LRRC8A: variants seen among roughly 807,000 people sequenced by gnomAD.
The protein encoded by LRRC8A is volume-regulated anion channel subunit LRRC8A.
In LRRC8A, 24 loss-of-function variants were observed where a neutral mutation model predicts 52.5. The ratio of observed to expected loss-of-function variants is 0.46; its 90% confidence interval spans 0.33 to 0.64. The LOEUF (loss-of-function observed/expected upper bound fraction) is 0.64. LRRC8A is among the 30% of genes least tolerant of loss of function. LRRC8A has a pLI of 0.02. For synonymous variants in LRRC8A, 492 were observed against 494.2 expected (o/e 1.00, Z 0.06); for missense variants, 677 against 1,094.7 (o/e 0.62, Z 5.38).
intron 2 of LRRC8A, among the ~76,000 whole-genome samples, chr9:128,891,990 C>T (rs1251611912): frequency 6.6e-6 from 1 of 152,156 alleles, no homozygotes; most frequent in African/African-American, 2.4e-5. Context: ...CAGCAGTGAA[C>T]GTTCCAGAGC....
In LRRC8A at chr9:128,908,334, C is replaced by CG. The variant is rs926260359; in HGVS notation, c.1171dup (p.Ala391GlyfsTer9). On this transcript the variant is annotated frameshift_variant, in exon 3 of 4. Transcript: ENST00000372600. LOFTEE classifies it high-confidence loss of function. ...ACGACCCGCTCTACTCCAAGCGCTT[C>CG]GCCGTCTTCCTGTCGGAGGTGAGTG... The CG allele has an allele frequency of 6.2e-7, 1 of 1,614,006 alleles. No individual in the cohort carries two copies. Among genetic ancestry groups the CG allele is most frequent in the Non-Finnish European group, 8.5e-7 (1 of 1,180,052 alleles).
At position 128,917,907 on chromosome 9, in the gene LRRC8A, G is replaced by A. The variant is rs1441827114; in HGVS notation, c.*1536G>A. The A allele has an allele frequency of 5.2e-5, 8 of 152,670 alleles. No individual in the cohort carries two copies. The highest frequency in any genetic ancestry group is 5.2e-4 in the Admixed American group (8 of 15,274). The allele number at this position is 152,670 out of a possible 1,614,324, so 9.5% of individuals were successfully genotyped here. ...GTCTGTCCGTCCATTTGTGTTTTCT[G>A]CGTCGTGTCATTGGATATAATCCTC... On this transcript the variant is annotated 3_prime_UTR_variant, in exon 4 of 4. Coordinates refer to ENST00000372600, the MANE Select transcript of LRRC8A (RefSeq NM_019594.4).
rs57721007 is a variant in LRRC8A at position 128,890,130 on chromosome 9, T to TTGTGTGTGTGTGTGTGTG, written c.-9+4032_-9+4049dup. ...ACAGTTGTTTTTTAGTGGCTTCATT[T>TTGTGTGTGTGTGTGTGTG]TGTGTGTGTGTGTGTGTGTGTGTGT... is the stretch of plus-strand genomic sequence containing the variant. On this transcript the variant is annotated intron_variant, in intron 2 of 3. Transcript: ENST00000372600. Among the ~76,000 whole-genome samples, 1,133 of 128,284 alleles carry TTGTGTGTGTGTGTGTGTG rather than the reference T, an allele frequency of 8.8e-3. 19 individuals are homozygous for TTGTGTGTGTGTGTGTGTG. The highest frequency in any genetic ancestry group is 0.016 in the Admixed American group (183 of 11,504). 84.2% of individuals were successfully genotyped at this position (128,284 alleles called of 152,430 possible).
intron 3 of LRRC8A, among the ~76,000 whole-genome samples, chr9:128,914,022 T>C (rs572962997): frequency 6.6e-6 from 1 of 152,200 alleles, no homozygotes; most frequent in Admixed American, 6.5e-5. Flanking sequence ...CTGGCCGACA[T>C]AATGAAACCC....
intron 1 of LRRC8A, chr9:128,885,427 T>C (rs1471896691): frequency 1.3e-5 from 2 of 152,354 alleles, no homozygotes; most frequent in Admixed American, 6.5e-5. Flanking sequence ...AATGCTCTTT[T>C]TCCAGCTCCT....
At chr9:128,898,039 AGTGTGTGT>A (rs58876901) in intron 2 of LRRC8A, among the ~76,000 whole-genome samples, 63,270 of 136,000 alleles carry the variant, frequency 0.47, 15,401 homozygotes, top group Admixed American at 0.58. Context: ...AAGATTGTTC[AGTGTGTGT>A]GTGTGTGTGT....
intron 3 of LRRC8A, among the ~76,000 whole-genome samples, chr9:128,909,784 G>T (rs928784626): frequency 5.3e-5 from 8 of 152,128 alleles, no homozygotes; most frequent in Non-Finnish European, 1.0e-4. Flanking sequence ...AGCCAATCCG[G>T]GTCCACCCAG....
In LRRC8A at chr9:128,892,773, C is replaced by G. The variant is rs776911553; in HGVS notation, c.-9+6652C>G. On this transcript the variant is annotated intron_variant, in intron 2 of 3. Transcript: ENST00000372600. This position sits in a 1 kb window ranked among gnomAD's most constrained non-coding sequence, Gnocchi z 5.2. ...GCTTGGAACCCTCCCGGGACAGGGC[C>G]TGTTGAGAGCGGCCCCTTCGCGCTC... Among the ~76,000 whole-genome samples the G allele has an allele frequency of 6.6e-6, 1 of 152,178 alleles. No homozygotes were observed. The highest frequency in any genetic ancestry group is 1.5e-5 in the Non-Finnish European group (1 of 68,032).
rs147475056 is a variant in LRRC8A, at chr9:128,884,394, CTCATTCAT to C, written c.-115-1601_-115-1594del. Reference sequence around the variant, plus strand: ...AGCACAGTGTCTCTCCATGCCTTGACTCATTCATTCATTCATTCATTCATTCAGCCATT... The same window carrying C: ...AGCACAGTGTCTCTCCATGCCTTGACTCATTCATTCATTCATTCAGCCATT... On this transcript the variant is annotated intron_variant, in intron 1 of 3. Transcript: ENST00000372600. 7.2e-3 allele frequency among the ~76,000 whole-genome samples: 1,103 copies of C among 152,190 alleles called. 7 individuals carry two copies. Among genetic ancestry groups the C allele is most frequent in the African/African-American group, 0.019 (778 of 41,490 alleles).
intron 2 of LRRC8A, among the ~76,000 whole-genome samples, chr9:128,906,042 G>A (rs999601141): frequency 1.3e-5 from 2 of 152,150 alleles, no homozygotes; most frequent in African/African-American, 4.8e-5. Context: ...TCTTGAGGCC[G>A]CTCCCCTAGG....
chr9:128,916,043 C>T lies in LRRC8A; in HGVS notation c.2158-53C>T. 2 of 1,544,698 alleles carry T rather than the reference C, an allele frequency of 1.3e-6. No individual in the cohort carries two copies. The highest frequency in any genetic ancestry group is 1.8e-6 in the Non-Finnish European group (2 of 1,140,234). On this transcript the variant is annotated intron_variant, in intron 3 of 3. Transcript: ENST00000372600. The surrounding 1 kb of genome is among the most constrained non-coding windows in gnomAD (Gnocchi z 6.1). ...GAGAGAGGGAAGGGAAGCCCAGAGG[C>T]CCCGTCCAAGCCCACACCCACCTCA... is the stretch of plus-strand genomic sequence containing the variant.
intron 2 of LRRC8A, among the ~76,000 whole-genome samples, chr9:128,904,827 T>C (rs1840172327): frequency 1.3e-5 from 2 of 151,446 alleles, no homozygotes; most frequent in Non-Finnish European, 1.5e-5. Context: ...ACCCCGTCTC[T>C]ACTAAAAATA....
At chr9:128,910,918 C>A (rs1840491736) in intron 3 of LRRC8A, among the ~76,000 whole-genome samples, 1 of 152,230 alleles carries the variant, frequency 6.6e-6, no homozygotes, top group Non-Finnish European at 1.5e-5. Flanking sequence ...ATCTGCCATG[C>A]AGCAGCCCCA....
At position 128,916,638 on chromosome 9, in the gene LRRC8A, G is replaced by T; in HGVS notation, c.*267G>T. 1 of 442,818 alleles carries T rather than the reference G, an allele frequency of 2.3e-6. No individual in the cohort carries two copies. Among genetic ancestry groups the T allele is most frequent in the Admixed American group, 3.7e-5 (1 of 27,384 alleles). 27.4% of individuals were successfully genotyped at this position (442,818 alleles called of 1,614,324 possible). On this transcript the variant is annotated 3_prime_UTR_variant, in exon 4 of 4. Transcript: ENST00000372600. The surrounding 1 kb of genome is among the most constrained non-coding windows in gnomAD (Gnocchi z 6.1). ...AGAGCGCAGTATTTGGATAATCAGG[G>T]TCTCCTCCCTGGAGGCCAGCTCTGC...
intron 1 of LRRC8A, chr9:128,882,868 C>A (rs1217384995): frequency 5.0e-6 from 2 of 398,264 alleles, no homozygotes; most frequent in Admixed American, 8.8e-5. Context: ...GGCCCGAGGG[C>A]GAGGCGAGAT....
Position 128,908,263 on chromosome 9 carries a change from G to A in LRRC8A, c.1099G>A (p.Asp367Asn), listed in dbSNP as rs545124011. 12 of 1,614,092 alleles carry A rather than the reference G, an allele frequency of 7.4e-6. No individual in the cohort carries two copies. Among genetic ancestry groups the A allele is most frequent in the South Asian group, 2.2e-5 (2 of 91,078 alleles). The change falls in exon 3 of 4, where the codon GAC becomes AAC. Residue 367 changes from aspartate (D) to asparagine (N), a missense_variant. Physicochemically the swap from Asp to Asn is conservative, Grantham distance 23. Transcript: ENST00000372600. ...REESSYSDIP[D>N]VKNDFAFMLH... ...GGAGAGCAGCTACAGCGACATCCCCGACGTCAAGAACGACTTCGCCTTCAT... is the reference window on the plus strand; with the variant it reads ...GGAGAGCAGCTACAGCGACATCCCCAACGTCAAGAACGACTTCGCCTTCAT...
intron 3 of LRRC8A, 49 bp downstream of exon 3, chr9:128,909,370 C>T (rs763481945): frequency 1.3e-6 from 2 of 1,568,702 alleles, no homozygotes; most frequent in Admixed American, 3.4e-5. Context: ...GGTGGCCTGG[C>T]CAGGGCTTGT....
In LRRC8A at chr9:128,911,721, G is replaced by A. The variant is rs577185494; in HGVS notation, c.2157+2400G>A. ...GCTGAGGTCACCCCTCAGGAAAGGA[G>A]CTGGCGGCAAGCACGCTGTCCCAGA... On this transcript the variant is annotated intron_variant, in intron 3 of 3. Coordinates refer to ENST00000372600, the MANE Select transcript of LRRC8A (RefSeq NM_019594.4). The surrounding 1 kb of genome is among the most constrained non-coding windows in gnomAD (Gnocchi z 4.9). Among the ~76,000 whole-genome samples, 102 of 152,324 alleles carry A rather than the reference G, an allele frequency of 6.7e-4. No individual in the cohort carries two copies. Among genetic ancestry groups the A allele is most frequent in the African/African-American group, 2.3e-3 (95 of 41,576 alleles).
intron 2 of LRRC8A, among the ~76,000 whole-genome samples, chr9:128,895,350 TCCA>T (rs1272210594): frequency 6.6e-6 from 1 of 152,176 alleles, no homozygotes; most frequent in African/African-American, 2.4e-5. Flanking sequence ...CAAGACTGTC[TCCA>T]AGATAAAATA....
Sources: gnomAD v4.1 joint callset for allele counts (sites outside exome capture counted in the v4.1 genomes callset) on GRCh38, gnomAD v4.1.1 for gene constraint, Gnocchi (gnomAD v3.1) non-coding constraint, MANE v1.5 for transcripts, NCBI Gene and HGNC (gene_info 2026-07-23, HGNC 2026-07-21) for gene names.